FBXL2: variants seen among roughly 807,000 people sequenced by gnomAD.
FBXL2 encodes the protein F-box/LRR-repeat protein 2.
In FBXL2, 38 loss-of-function variants were observed where a neutral mutation model predicts 69.2. The observed-to-expected ratio is 0.55, with a 90% CI of 0.42 to 0.72. The LOEUF (loss-of-function observed/expected upper bound fraction) is 0.72, where lower values mean the gene tolerates loss of function less well. Among genes scored for constraint, FBXL2 ranks in the 30% least tolerant of loss-of-function variants. The pLI, the probability that FBXL2 is intolerant of heterozygous loss-of-function variation, is 0.00. For missense variants in FBXL2, 354 were observed against 520.3 expected (o/e 0.68, Z 3.11); for synonymous variants, 192 against 201.3 (o/e 0.95, Z 0.39).
chr3:33,396,096 C>A (rs1218518104), intron 12 of FBXL2: 1 of 1,398,106 alleles, frequency 7.2e-7, no homozygotes, highest in Non-Finnish European at 9.8e-7. Flanking sequence ...CCTGCTCAAT[C>A]GAGTCCTTTC....
intron 10 of FBXL2, among the ~76,000 whole-genome samples, chr3:33,376,152 A>G (rs1015411393): frequency 1.1e-4 from 15 of 137,634 alleles, no homozygotes; most frequent in Admixed American, 3.1e-4. Flanking sequence ...GTGAGACCCC[A>G]TCTCAAAAAA....
chr3:33,394,406 G>A (rs1462838762), intron 12 of FBXL2, among the ~76,000 whole-genome samples: 1 of 152,018 alleles, frequency 6.6e-6, no homozygotes, highest in Non-Finnish European at 1.5e-5. Context: ...AGGAATAAAA[G>A]CTATCTGTAT....
intron 13 of FBXL2, chr3:33,378,956 C>T (rs1005671035): frequency 5.9e-6 from 5 of 853,338 alleles, no homozygotes; most frequent in East Asian, 2.7e-5. Flanking sequence ...AGAGAAATGT[C>T]CAGATCCAGA....
At chr3:33,418,802 T>C in the FBXL2 span, among the ~76,000 whole-genome samples, 1 of 133,728 alleles carries the variant, frequency 7.5e-6, no homozygotes, top group Non-Finnish European at 1.5e-5. Context: ...GAGGTTGCAG[T>C]AAGCTGAGAT....
In FBXL2 at chr3:33,277,485, C is replaced by T. The variant is rs377527641; in HGVS notation, c.-28C>T. 130 of 1,294,806 alleles carry T rather than the reference C, an allele frequency of 1.0e-4. No individual in the cohort carries two copies. Among genetic ancestry groups the T allele is most frequent in the Non-Finnish European group, 1.2e-4 (122 of 1,013,122 alleles). The allele number at this position is 1,294,806 out of a possible 1,614,324, so 80.2% of individuals were successfully genotyped here. A position where few individuals can be genotyped will look rare whatever the true frequency, so the allele number is the denominator to read the frequency against. ...GTCGCCGGCGCCGTGTGACTTCGGG[C>T]TGTGGGCTCGCTCGCGGCTCTTCGG... On this transcript the variant is annotated 5_prime_UTR_variant, in exon 1 of 15. Coordinates refer to ENST00000484457, the MANE Select transcript of FBXL2 (RefSeq NM_012157.5).
intron 2 of FBXL2, among the ~76,000 whole-genome samples, chr3:33,343,771 G>T (rs2040241712): frequency 1.3e-5 from 2 of 152,020 alleles, no homozygotes; most frequent in Non-Finnish European, 1.5e-5. Flanking sequence ...TTAAGAGTTT[G>T]CTAGCTTGAT....
chr3:33,416,306 A>C, the FBXL2 span, among the ~76,000 whole-genome samples: 1 of 152,040 alleles, frequency 6.6e-6, no homozygotes. Flanking sequence ...TCCTAAAAGA[A>C]CAGGTTAGCT....
the FBXL2 span, among the ~76,000 whole-genome samples, chr3:33,412,313 G>C: frequency 6.6e-6 from 1 of 151,454 alleles, no homozygotes; most frequent in Non-Finnish European, 1.5e-5. Context: ...CAACTCTCTC[G>C]GTTCTTTATA....
Position 33,297,728 on chromosome 3 carries a change from A to T in FBXL2, c.65+3A>T. ...TTACCCAAAGAACTTCTGTTAAGGT[A>T]AATGTAGATAAATTCTGGATGAAGA... On this transcript the variant is annotated splice_donor_region_variant and intron_variant, in intron 2 of 14. Transcript: ENST00000484457. 6.6e-7 allele frequency: 1 copy of T among 1,510,756 alleles called. No homozygotes were observed. The highest frequency in any genetic ancestry group is 9.1e-7 in the Non-Finnish European group (1 of 1,097,316). The allele number at this position is 1,510,756 out of a possible 1,614,324, so 93.6% of individuals were successfully genotyped here.
intron 2 of FBXL2, among the ~76,000 whole-genome samples, chr3:33,308,585 A>G (rs1456503030): frequency 2.0e-5 from 3 of 152,206 alleles, no homozygotes; most frequent in South Asian, 2.1e-4. Context: ...CATTACACAC[A>G]TAACAGCCTC....
At chr3:33,281,899 G>T (rs1467342977) in intron 1 of FBXL2, among the ~76,000 whole-genome samples, 1 of 151,990 alleles carries the variant, frequency 6.6e-6, no homozygotes, top group Non-Finnish European at 1.5e-5. Context: ...GTTGTTTGAT[G>T]TTTTTCTTGT....
At chr3:33,382,042 TG>T (rs2043101152) in intron 13 of FBXL2, among the ~76,000 whole-genome samples, 1 of 152,196 alleles carries the variant, frequency 6.6e-6, no homozygotes, top group Admixed American at 6.5e-5. Flanking sequence ...GTTTCTAGTT[TG>T]GGGCTGTTAC....
At chr3:33,393,364 T>C in intron 12 of FBXL2, 1 of 1,613,246 alleles carries the variant, frequency 6.2e-7, no homozygotes. Context: ...GTAAACCTGA[T>C]TAATTTGGTG....
intron 5 of FBXL2, among the ~76,000 whole-genome samples, chr3:33,366,405 A>T (rs1013136610): frequency 6.6e-6 from 1 of 152,116 alleles, no homozygotes; most frequent in African/African-American, 2.4e-5. Flanking sequence ...AGTGGCTGAC[A>T]TCTATAACCC....
At chr3:33,326,399 A>G (rs1487503811) in intron 2 of FBXL2, among the ~76,000 whole-genome samples, 1 of 151,670 alleles carries the variant, frequency 6.6e-6, no homozygotes, top group Non-Finnish European at 1.5e-5. Context: ...GCTACTGGGG[A>G]GGCTGAGGCA....
intron 2 of FBXL2, among the ~76,000 whole-genome samples, chr3:33,326,152 T>C (rs760055727): frequency 1.3e-5 from 2 of 152,164 alleles, no homozygotes; most frequent in South Asian, 4.1e-4. Flanking sequence ...AGATAACAAA[T>C]GTAAATAGTG....
At chr3:33,371,166 A>AT (rs56918562) in intron 5 of FBXL2, among the ~76,000 whole-genome samples, 36,006 of 130,662 alleles carry the variant, frequency 0.28, 5,739 homozygotes, top group East Asian at 0.5. Flanking sequence ...TGTGGTTTTC[A>AT]TTTTTTTTTT....
At chr3:33,407,102 G>A (rs2044447476), downstream of FBXL2, among the ~76,000 whole-genome samples, 1 of 152,128 alleles carries the variant, frequency 6.6e-6, no homozygotes, top group Non-Finnish European at 1.5e-5. Flanking sequence ...GTGACAATCT[G>A]TACCCTGCAT....
rs1446648436 is a variant in FBXL2 at position 33,365,278 on chromosome 3, TG to T, written c.290+563del. ...CTCTTACTGGATAGCCATTATTTAT[TG>T]GGGTTTTTTTTTTTTTTTGAGACCG... On this transcript the variant is annotated intron_variant, in intron 5 of 14. Coordinates refer to ENST00000484457, the MANE Select transcript of FBXL2 (RefSeq NM_012157.5). 1.0e-4 allele frequency among the ~76,000 whole-genome samples: 14 copies of T among 133,370 alleles called. No homozygotes were observed. In the South Asian group the frequency reaches 2.1e-3, roughly 20 times the overall value. The allele number at this position is 133,370 out of a possible 152,430, so 87.5% of individuals were successfully genotyped here.
Sources: allele counts gnomAD v4.1 joint callset (sites outside exome capture counted in the v4.1 genomes callset), GRCh38; gene constraint gnomAD v4.1.1; transcripts MANE v1.5; gene names NCBI Gene and HGNC (gene_info 2026-07-23, HGNC 2026-07-21).